The following FER1L6 variants were observed in gnomAD, a reference collection of about 807,000 sequenced individuals.
The protein encoded by FER1L6 is fer-1-like protein 6.
In FER1L6, 177 loss-of-function variants were observed where a neutral mutation model predicts 219.2. That is an observed-to-expected ratio of 0.81 (90% CI 0.71 to 0.91). FER1L6 has a LOEUF of 0.91. Among genes scored for constraint, FER1L6 ranks in the 40% least tolerant of loss-of-function variants. The pLI is 0.00. For missense variants in FER1L6, 2,153 were observed against 2,259.9 expected (o/e 0.95, Z 0.96); for synonymous variants, 768 against 824.3 (o/e 0.93, Z 1.17).
intron 1 of FER1L6, among the ~76,000 whole-genome samples, chr8:123,857,377 G>T (rs982807402): frequency 2.0e-5 from 3 of 151,992 alleles, no homozygotes; most frequent in Admixed American, 1.3e-4. Flanking sequence ...AGACATTGTG[G>T]CATGCACCTG....
rs567662937 is a variant in FER1L6, at chr8:123,967,453, T to C, written c.384+1163T>C. On this transcript the variant is annotated intron_variant, in intron 5 of 40. Coordinates refer to ENST00000522917, the MANE Select transcript of FER1L6 (RefSeq NM_001039112.2). Reference sequence around the variant, plus strand: ...ATATACTAAACCAGTCAGTCTCTCATGAATGAACATGAAATGCTTTTAACC... The same window carrying C: ...ATATACTAAACCAGTCAGTCTCTCACGAATGAACATGAAATGCTTTTAACC... Among the ~76,000 whole-genome samples, 194 of 152,352 alleles carry C rather than the reference T, an allele frequency of 1.3e-3. 1 individual carries two copies. The highest frequency in any genetic ancestry group is 4.2e-3 in the Admixed American group (64 of 15,308).
intron 12 of FER1L6, among the ~76,000 whole-genome samples, chr8:123,993,736 G>C (rs921169087): frequency 1.3e-5 from 2 of 152,138 alleles, no homozygotes; most frequent in African/African-American, 2.4e-5. Context: ...CTGTTCTTCT[G>C]GGTCTAGCCA....
At chr8:123,978,858 G>C (rs1434575339) in intron 10 of FER1L6, among the ~76,000 whole-genome samples, 1 of 152,152 alleles carries the variant, frequency 6.6e-6, no homozygotes, top group African/African-American at 2.4e-5. Flanking sequence ...CATTATGGAA[G>C]TGTTTGCCAC....
chr8:123,928,452 C>T (rs957872944), intron 1 of FER1L6, among the ~76,000 whole-genome samples: 34 of 152,032 alleles, frequency 2.2e-4, no homozygotes. Context: ...AACCATTCTG[C>T]TGTGGGGAAG....
Position 124,094,978 on chromosome 8 carries a change from G to A in FER1L6, c.4635G>A (p.Leu1545=), listed in dbSNP as rs1818374393. 6.2e-7 allele frequency: 1 copy of A among 1,614,076 alleles called. No individual in the cohort carries two copies. The highest frequency in any genetic ancestry group is 1.3e-5 in the African/African-American group (1 of 75,024). Residue 1545 remains leucine (L), a synonymous_variant, in exon 35 of 41, where the codon CTG becomes CTA. Coordinates refer to ENST00000522917, the MANE Select transcript of FER1L6 (RefSeq NM_001039112.2). ...ATATCCCGGAAGTCGGGTGTAGGCTGGTTCCTGAACACATAGAAACTCGGC... is the reference window on the plus strand; with the variant it reads ...ATATCCCGGAAGTCGGGTGTAGGCTAGTTCCTGAACACATAGAAACTCGGC... ...WEDIPEVGCR[L]VPEHIETRPL... is the part of the protein sequence containing the mutation.
chr8:124,074,983 A>G (rs1465849966), intron 31 of FER1L6, among the ~76,000 whole-genome samples: 2 of 152,150 alleles, frequency 1.3e-5, no homozygotes, highest in African/African-American at 4.8e-5. Flanking sequence ...CCATGAATGG[A>G]GCTTGCCAGA....
Position 123,897,741 on chromosome 8 carries a change from T to C in FER1L6, c.-8+45556T>C, listed in dbSNP as rs967209611. 3.9e-5 allele frequency among the ~76,000 whole-genome samples: 6 copies of C among 152,222 alleles called. No homozygotes were observed. The South Asian group carries it at 6.2e-4, about 16-fold the overall frequency. On this transcript the variant is annotated intron_variant, in intron 1 of 40. Coordinates refer to ENST00000522917, the MANE Select transcript of FER1L6 (RefSeq NM_001039112.2). ...TGCAGGCTATTTACTCAATAAATATTGTGTTTTCTTCATTTTAACACTAAC... is the reference window on the plus strand; with the variant it reads ...TGCAGGCTATTTACTCAATAAATATCGTGTTTTCTTCATTTTAACACTAAC...
At chr8:124,023,212 A>G (rs565324898) in intron 17 of FER1L6, among the ~76,000 whole-genome samples, 1 of 152,240 alleles carries the variant, frequency 6.6e-6, no homozygotes, top group South Asian at 2.1e-4. Flanking sequence ...ACTGCCGCCC[A>G]GCTGTATGCA....
intron 10 of FER1L6, among the ~76,000 whole-genome samples, chr8:123,977,974 A>C (rs893716229): frequency 2.6e-5 from 4 of 152,098 alleles, no homozygotes; most frequent in African/African-American, 9.7e-5. Context: ...TCCTAACAGG[A>C]TGGGTACTGG....
chr8:123,900,661 A>G (rs531170110), intron 1 of FER1L6, among the ~76,000 whole-genome samples: 6 of 152,260 alleles, frequency 3.9e-5, no homozygotes, highest in Admixed American at 1.3e-4. Context: ...CTTTAATTAC[A>G]TTAACGTATG....
At chr8:123,909,405 A>AT (rs1303120136) in intron 1 of FER1L6, among the ~76,000 whole-genome samples, 1 of 152,060 alleles carries the variant, frequency 6.6e-6, no homozygotes, top group Non-Finnish European at 1.5e-5. Context: ...CTTGTTGAAA[A>AT]CAGTTTCTAA....
At chr8:123,904,494 G>A (rs1444035320) in intron 1 of FER1L6, among the ~76,000 whole-genome samples, 1 of 152,044 alleles carries the variant, frequency 6.6e-6, no homozygotes, top group African/African-American at 2.4e-5. Flanking sequence ...AGAGATATGT[G>A]GACAGAGAAC....
chr8:124,017,205 C>T (rs968323862), intron 15 of FER1L6, among the ~76,000 whole-genome samples: 32 of 152,138 alleles, frequency 2.1e-4, no homozygotes, highest in African/African-American at 7.7e-4. Flanking sequence ...AATGTTACTA[C>T]TCAGTCTTTC....
chr8:124,019,678 G>A (rs1818370142), intron 16 of FER1L6, among the ~76,000 whole-genome samples: 1 of 152,176 alleles, frequency 6.6e-6, no homozygotes, highest in Non-Finnish European at 1.5e-5. Flanking sequence ...TATGTGCCAG[G>A]AGCTCTGTTA....
chr8:124,071,463 A>T (rs1465118245), intron 30 of FER1L6, 43 bp from the exon 31 acceptor site: 9 of 1,611,368 alleles, frequency 5.6e-6, no homozygotes, highest in African/African-American at 1.3e-5. Flanking sequence ...TTGGTGGGAC[A>T]TATGACCATC....
chr8:124,024,019 C>T (rs1818591981), intron 18 of FER1L6, among the ~76,000 whole-genome samples: 2 of 151,810 alleles, frequency 1.3e-5, no homozygotes, highest in South Asian at 4.2e-4. Context: ...GCCTCAGCCT[C>T]CCAAGTAGCT....
At chr8:124,033,516 A>G in intron 18 of FER1L6, among the ~76,000 whole-genome samples, 1 of 152,116 alleles carries the variant, frequency 6.6e-6, no homozygotes. Flanking sequence ...TGAGCTCAAC[A>G]AACACTGGCA....
chr8:123,896,804 C>G (rs570381689), intron 1 of FER1L6, among the ~76,000 whole-genome samples: 4 of 152,208 alleles, frequency 2.6e-5, no homozygotes, highest in African/African-American at 9.6e-5. Flanking sequence ...TGATAACTCA[C>G]AAACTCATGT....
In FER1L6 at chr8:123,981,760, G is replaced by A. The variant is rs374954731; in HGVS notation, c.1410+949G>A. On this transcript the variant is annotated intron_variant, in intron 11 of 40. Coordinates refer to ENST00000522917, the MANE Select transcript of FER1L6 (RefSeq NM_001039112.2). ...TGGGGTTGGTTGTAGTTATGGCTCC[G>A]ATACTAACACCTCTCTGTGTTTTAG... 1.3e-4 allele frequency among the ~76,000 whole-genome samples: 20 copies of A among 152,240 alleles called. No homozygotes were observed. In the East Asian group the frequency reaches 1.4e-3, roughly 10 times the overall value.
Sources: gnomAD v4.1 joint callset for allele counts (sites outside exome capture counted in the v4.1 genomes callset) on GRCh38, gnomAD v4.1.1 for gene constraint, MANE v1.5 for transcripts, NCBI Gene and HGNC (gene_info 2026-07-23, HGNC 2026-07-21) for gene names.